The following INTS1 variants were observed in gnomAD, a reference collection of about 807,000 sequenced individuals.
INTS1 encodes the protein integrator complex subunit 1.
A neutral mutation model predicts 241.6 loss-of-function variants in INTS1; 137 were observed. The ratio of observed to expected loss-of-function variants is 0.57; its 90% CI spans 0.49 to 0.65. The LOEUF is 0.65. Ranked by LOEUF, INTS1 falls within the 30% of genes least tolerant of loss-of-function variation. The probability of loss-of-function intolerance (pLI) is 0.00; values close to 1 mark genes in which losing one functional copy is unlikely to be tolerated. For synonymous variants in INTS1, 1,692 were observed against 1,337.8 expected (o/e 1.26, Z -5.78); for missense variants, 3,073 against 3,032.2 (o/e 1.01, Z -0.32).
intron 46 of INTS1, 59 bp from the exon 47 acceptor site, chr7:1,471,014 C>A (rs763566173): frequency 1.6e-4 from 250 of 1,519,042 alleles, no homozygotes; most frequent in Middle Eastern, 3.4e-4. Context: ...CAGACCCCCA[C>A]CCGACAGGGC....
chr7:1,479,639 G>A lies in INTS1; in HGVS notation c.4120C>T (p.Arg1374Cys), dbSNP rs541998419. 78 of 1,509,082 alleles carry A rather than the reference G, an allele frequency of 5.2e-5. No homozygotes were observed. Among genetic ancestry groups the A allele is most frequent in the African/African-American group, 5.0e-4 (36 of 71,958 alleles). 93.5% of individuals were successfully genotyped at this position (1,509,082 alleles called of 1,614,324 possible). Residue 1374 changes from arginine to cysteine, a missense_variant, in exon 31 of 48, where the codon CGC becomes TGC. Coordinates refer to ENST00000404767, the MANE Select transcript of INTS1 (RefSeq NM_001080453.3). ...TGCTGCAGGGCGAGGGCCACGGGGC[G>A]GGGACTGGAGCTCTGCCACCGAGGG... ...PDPRWQSSSP[R>C]PVALALQQAL...
rs10235180 is a variant in INTS1 at position 1,483,923 on chromosome 7, T to C, written c.3430-70A>G. The C allele has an allele frequency of 0.45, 711,787 of 1,583,840 alleles. 167,749 individuals carry two copies. Among genetic ancestry groups the C allele is most frequent in the African/African-American group, 0.77 (57,695 of 74,488 alleles). Reference sequence around the variant, plus strand: ...TGAGCCAGCGCCGAGGGTACCCAGCTGGCACCGAGCGTGCCGTGCAGCCTC... The same window carrying C: ...TGAGCCAGCGCCGAGGGTACCCAGCCGGCACCGAGCGTGCCGTGCAGCCTC... On this transcript the variant is annotated intron_variant, in intron 25 of 47. Coordinates refer to ENST00000404767, the MANE Select transcript of INTS1 (RefSeq NM_001080453.3).
intron 31 of INTS1, among the ~76,000 whole-genome samples, chr7:1,479,161 T>A (rs1245619618): frequency 6.6e-6 from 1 of 152,174 alleles, no homozygotes; most frequent in Non-Finnish European, 1.5e-5. Flanking sequence ...AACACAGTCC[T>A]AGGTACCAGC....
intron 11 of INTS1, among the ~76,000 whole-genome samples, 191 bp from the exon 12 acceptor site, chr7:1,496,455 C>T (rs60049342): frequency 7.0e-6 from 1 of 142,946 alleles, no homozygotes; most frequent in African/African-American, 2.6e-5. Flanking sequence ...CCCACGTGGG[C>T]GCGGCACGGG....
Position 1,480,950 on chromosome 7 carries a change from G to A in INTS1, c.3851-17C>T. The A allele has an allele frequency of 6.4e-7, 1 of 1,573,112 alleles. No homozygotes were observed. The stretch of plus-strand genomic sequence containing the variant: ...CCATGTAATCTGCAAACCGTAGCAG[G>A]GTCACACCTGGGCGCGGCCAGGGGC... On this transcript the variant is annotated splice_polypyrimidine_tract_variant and intron_variant, in intron 28 of 47. Transcript: ENST00000404767.
chr7:1,490,225 G>A (rs930747193), intron 16 of INTS1, among the ~76,000 whole-genome samples: 11 of 152,358 alleles, frequency 7.2e-5, no homozygotes, highest in South Asian at 4.1e-4. Flanking sequence ...CAGAGAGCAC[G>A]CGAGGCTCAA....
In INTS1 at chr7:1,473,132, C is replaced by G; in HGVS notation, c.6010G>C (p.Gly2004Arg). ...TCGTCCCTGCTGGGCAGGCTGAGCC[C>G]TGCAAGGAGGGATTTCAGCATCACC... The part of the protein sequence containing the change: ...DLVMLKSLLA[G>R]LSLPSRDDRT... The change falls in exon 43 of 48, where the codon GGG becomes CGG. Residue 2004 changes from glycine to arginine, a missense_variant. Coordinates refer to ENST00000404767, the MANE Select transcript of INTS1 (RefSeq NM_001080453.3). 6.2e-7 allele frequency: 1 copy of G among 1,612,276 alleles called. No homozygotes were observed. Among genetic ancestry groups the G allele is most frequent in the Admixed American group, 1.7e-5 (1 of 59,986 alleles).
Position 1,470,445 on chromosome 7 carries a change from T to G in INTS1, c.*132A>C, listed in dbSNP as rs2128530726. ...GGGCTCGGAGTATTGCTCCTGGGCC[T>G]GCCTGGCCTCAGGGCTCGGCGCCCT... On this transcript the variant is annotated 3_prime_UTR_variant, in exon 48 of 48. Coordinates refer to ENST00000404767, the MANE Select transcript of INTS1 (RefSeq NM_001080453.3). 2 of 657,904 alleles carry G rather than the reference T, an allele frequency of 3.0e-6. No homozygotes were observed. Among genetic ancestry groups the G allele is most frequent in the East Asian group, 3.1e-5 (1 of 32,380 alleles). The allele number at this position is 657,904 out of a possible 1,614,324, so 40.8% of individuals were successfully genotyped here.
At chr7:1,504,231 C>A (rs1259666820) in intron 1 of INTS1, 92 bp downstream of exon 1, 1 of 551,884 alleles carries the variant, frequency 1.8e-6, no homozygotes, top group Non-Finnish European at 3.2e-6. Flanking sequence ...GCGGCAGAAC[C>A]AGAAGGGACG....
Position 1,486,649 on chromosome 7 carries a change from C to T in INTS1, c.2952G>A (p.Val984=), listed in dbSNP as rs1216529795. The change falls in exon 22 of 48, where the codon GTG becomes GTA. Residue 984 remains valine, a synonymous_variant. Transcript: ENST00000404767. The part of the protein sequence containing the change: ...YFLRRLGSSQ[V]ASRVLAMKGL... ...CCTTCATGGCCAGCACGCGGGAGGC[C>T]ACCTGGGAGGAGCCGAGGCGCCGCA... 6.2e-7 allele frequency: 1 copy of T among 1,612,026 alleles called. No individual in the cohort carries two copies. Among genetic ancestry groups the T allele is most frequent in the Non-Finnish European group, 8.5e-7 (1 of 1,179,576 alleles).
At chr7:1,488,395 C>T (rs990950001) in intron 18 of INTS1, among the ~76,000 whole-genome samples, 1 of 152,180 alleles carries the variant, frequency 6.6e-6, no homozygotes, top group Non-Finnish European at 1.5e-5. Flanking sequence ...TGTTCCAAAA[C>T]CCAGCTCCCC....
At chr7:1,499,212 GC>G in intron 7 of INTS1, 42 bp downstream of exon 7, 1 of 1,602,906 alleles carries the variant, frequency 6.2e-7, no homozygotes, top group African/African-American at 1.3e-5. Context: ...CGAGGCGCCC[GC>G]CCCCGCCGCC....
chr7:1,474,957 ACTGG>A, intron 39 of INTS1, 119 bp from the exon 40 acceptor site: 1 of 1,342,736 alleles, frequency 7.4e-7, no homozygotes, highest in Non-Finnish European at 1.0e-6. Context: ...GAGCAGAGGA[ACTGG>A]CTCCTTACGG....
chr7:1,475,999 C>A lies in INTS1; in HGVS notation c.5451G>T (p.Val1817=). ...CTTCGCTGTGCAGTAGGACCTCAGG[C>A]ACGGGCACCCGCAGCTCCGGCCGCT... The part of the protein sequence containing the change: ...YLQRPELRVP[V]PEVLLHSEGA... The change falls in exon 39 of 48, where the codon GTG becomes GTT. Residue 1817 remains valine (V), a synonymous_variant. Transcript: ENST00000404767. 6.5e-7 allele frequency: 1 copy of A among 1,545,628 alleles called. No homozygotes were observed.
chr7:1,489,632 G>C lies in INTS1; in HGVS notation c.2216C>G (p.Pro739Arg), dbSNP rs1161438958. 6.3e-7 allele frequency: 1 copy of C among 1,591,614 alleles called. No homozygotes were observed. The highest frequency in any genetic ancestry group is 8.6e-7 in the Non-Finnish European group (1 of 1,168,244). Reference protein sequence around the residue: ...AISTLYWKAWPLLLVVAAFNP... With the variant: ...AISTLYWKAWRLLLVVAAFNP... ...GAATGCGGCGACGACCAGCAGGAGG[G>C]GCCAGGCCTTCCAGTAGAGGGTAGA... is the stretch of plus-strand genomic sequence containing the variant. The change falls in exon 17 of 48, where the codon CCC (proline) becomes CGC (arginine). Residue 739 changes from proline to arginine, a missense_variant. By Grantham distance (103) the Pro-to-Arg change is moderately radical. Coordinates refer to ENST00000404767, the MANE Select transcript of INTS1 (RefSeq NM_001080453.3).
rs1368830242 is a variant in INTS1, at chr7:1,489,653, G to T, written c.2195C>A (p.Thr732Asn). The T allele has an allele frequency of 1.3e-6, 2 of 1,580,750 alleles. No homozygotes were observed. The highest frequency in any genetic ancestry group is 3.6e-5 in the Admixed American group (2 of 56,184). The change falls in exon 17 of 48, where the codon ACC becomes AAC. Residue 732 changes from threonine (T) to asparagine (N), a missense_variant. By Grantham distance (65) the Thr-to-Asn change is moderately conservative. Coordinates refer to ENST00000404767, the MANE Select transcript of INTS1 (RefSeq NM_001080453.3). ...GYQPPNLAISTLYWKAWPLLL... is the reference protein window; with the variant it reads ...GYQPPNLAISNLYWKAWPLLL... ...GAGGGGCCAGGCCTTCCAGTAGAGG[G>T]TAGAGATGGCGAGGTTCGGAGGCTG...
At chr7:1,499,675 G>A in intron 5 of INTS1, 43 bp from the exon 6 acceptor site, 2 of 1,559,330 alleles carry the variant, frequency 1.3e-6, no homozygotes, top group Non-Finnish European at 1.7e-6. Context: ...CAGCCGGGCA[G>A]CAGCCAGGTT....
chr7:1,472,133 A>AG, intron 44 of INTS1, 140 bp downstream of exon 44: 1 of 667,002 alleles, frequency 1.5e-6, no homozygotes, highest in Non-Finnish European at 2.7e-6. Flanking sequence ...CCCCACTGTG[A>AG]GGAACAGCCC....
chr7:1,500,091 G>C, intron 4 of INTS1, 70 bp from the exon 5 acceptor site: 1 of 1,595,060 alleles, frequency 6.3e-7, no homozygotes, highest in South Asian at 1.1e-5. Context: ...TGGGCCGGGA[G>C]GGACACTTAA....
Sources: allele counts gnomAD v4.1 joint callset (sites outside exome capture counted in the v4.1 genomes callset), GRCh38; gene constraint gnomAD v4.1.1; transcripts MANE v1.5; gene names NCBI Gene and HGNC (gene_info 2026-07-23, HGNC 2026-07-21).